Variants in FAM151A observed in about 807,000 individuals in gnomAD.
FAM151A encodes protein FAM151A.
Under a neutral mutation model 40.4 loss-of-function variants are expected in FAM151A, and 41 were observed. The observed-to-expected ratio is 1.01, with a 90% CI of 0.79 to 1.32. FAM151A has a LOEUF of 1.32. Among genes scored for constraint, FAM151A ranks in the 40% most tolerant of loss-of-function variants. The probability of loss-of-function intolerance (pLI) is 0.00; values close to 1 mark genes in which losing one functional copy is unlikely to be tolerated. For synonymous variants in FAM151A, 337 were observed against 312.5 expected, an observed-to-expected ratio of 1.08 and a Z score of -0.83; for missense variants, 740 against 740.4, an observed-to-expected ratio of 1.00 and a Z score of 0.01.
chr1:54,620,927 A>G (rs1644223966), intron 1 of FAM151A, among the ~76,000 whole-genome samples: 1 of 138,754 alleles, frequency 7.2e-6, no homozygotes, highest in South Asian at 2.5e-4. Flanking sequence ...TGGGAAGCCG[A>G]GGTGGGTGGA....
chr1:54,609,803 T>C lies in FAM151A; in HGVS notation c.1223A>G (p.His408Arg), dbSNP rs1644093879. The change falls in exon 8 of 8, where the codon CAC (histidine) becomes CGC (arginine). Residue 408 changes from histidine to arginine, a missense_variant. Physicochemically the swap from His to Arg is conservative, Grantham distance 29. Transcript: ENST00000302250. Reference sequence around the variant, plus strand: ...CGCTATTTGCAAATGGATGCCCCAGTGTCCGGGATGTGTGGCCAGCTGCTG... The same window carrying C: ...CGCTATTTGCAAATGGATGCCCCAGCGTCCGGGATGTGTGGCCAGCTGCTG... ...CLQQLATHPG[H>R]WGIHLQIAEP... 2 of 1,614,052 alleles carry C rather than the reference T, an allele frequency of 1.2e-6. No individual in the cohort carries two copies.
intron 1 of FAM151A, among the ~76,000 whole-genome samples, chr1:54,622,737 T>C (rs1644241908): frequency 1.3e-5 from 2 of 151,426 alleles, no homozygotes; most frequent in Admixed American, 6.6e-5. Context: ...GAAAACTCCG[T>C]CTCAAAAAAA....
At chr1:54,620,689 A>G (rs1220927306) in intron 1 of FAM151A, among the ~76,000 whole-genome samples, 1 of 150,078 alleles carries the variant, frequency 6.7e-6, no homozygotes, top group Admixed American at 6.6e-5. Context: ...TACTACACAT[A>G]CAAAAATTAG....
chr1:54,614,337 G>A (rs1265161391), intron 4 of FAM151A, among the ~76,000 whole-genome samples: 1 of 152,158 alleles, frequency 6.6e-6, no homozygotes, highest in East Asian at 1.9e-4. Flanking sequence ...GGGGCACTTG[G>A]CCCTGTCTGC....
chr1:54,614,813 C>G lies in FAM151A; in HGVS notation c.462G>C (p.Leu154=). The G allele has an allele frequency of 6.2e-7, 1 of 1,614,094 alleles. No homozygotes were observed. The highest frequency in any genetic ancestry group is 8.5e-7 in the Non-Finnish European group (1 of 1,179,992). Residue 154 remains leucine, a synonymous_variant, in exon 4 of 8, where the codon CTG becomes CTC. Coordinates refer to ENST00000302250, the MANE Select transcript of FAM151A (RefSeq NM_176782.3). ...CCTCTGTCAGCTGCCGCAGGAGGTCCAGGGAGGGGCCCACTGCCTTGATGT... is the reference window on the plus strand; with the variant it reads ...CCTCTGTCAGCTGCCGCAGGAGGTCGAGGGAGGGGCCCACTGCCTTGATGT... ...FKNIKAVGPS[L]DLLRQLTEEG...
At chr1:54,615,094 G>C (rs77314204) in intron 3 of FAM151A, among the ~76,000 whole-genome samples, 3 of 152,110 alleles carry the variant, frequency 2.0e-5, no homozygotes, top group Non-Finnish European at 4.4e-5. Flanking sequence ...CATCTCCTGC[G>C]GGGAGGAAAC....
chr1:54,616,387 G>A (rs567703329), intron 2 of FAM151A, among the ~76,000 whole-genome samples: 2 of 150,056 alleles, frequency 1.3e-5, no homozygotes, highest in East Asian at 1.9e-4. Flanking sequence ...TTTTTGAGAC[G>A]GAGTCTTGCT....
intron 7 of FAM151A, 152 bp downstream of exon 7, chr1:54,610,260 T>A: frequency 6.8e-7 from 1 of 1,474,050 alleles, no homozygotes; most frequent in Admixed American, 2.5e-5. Context: ...GTACTCCCTC[T>A]CCCTCCCCGC....
intron 1 of FAM151A, 90 bp downstream of exon 1, chr1:54,623,188 A>AC: frequency 2.1e-5 from 17 of 796,396 alleles, no homozygotes; most frequent in Non-Finnish European, 2.5e-5. Context: ...AAAAAAAAAA[A>AC]GGGACTGGTC....
At position 54,619,929 on chromosome 1, in the gene FAM151A, T is replaced by C; in HGVS notation, c.197A>G (p.Asp66Gly). ...LLSLGQISRR[D>G]ALEVTWYHAA... The stretch of plus-strand genomic sequence containing the variant: ...GTGGTACCAGGTGACCTCCAAGGCA[T>C]CTCGCCGGCTGATCTGGCCCAGGCT... Residue 66 changes from aspartate to glycine, a missense_variant, in exon 2 of 8, where the codon GAT becomes GGT. Physicochemically the swap from Asp to Gly is moderately conservative, Grantham distance 94. Transcript: ENST00000302250. 6.2e-7 allele frequency: 1 copy of C among 1,614,166 alleles called. No individual in the cohort carries two copies.
intron 2 of FAM151A, among the ~76,000 whole-genome samples, chr1:54,618,246 G>A (rs1387759747): frequency 6.6e-6 from 1 of 152,154 alleles, no homozygotes. Context: ...GCTCAGACCT[G>A]TAATCCTAGC....
At chr1:54,614,951 T>C (rs201332407) in intron 3 of FAM151A, 92 bp from the exon 4 acceptor site, 18 of 1,281,060 alleles carry the variant, frequency 1.4e-5, no homozygotes, top group East Asian at 4.8e-5. Flanking sequence ...TGTGTGTGTG[T>C]GTGCATGTGC....
At chr1:54,612,735 T>C (rs1336905444) in intron 4 of FAM151A, 25 bp from the exon 5 acceptor site, 1 of 1,590,888 alleles carries the variant, frequency 6.3e-7, no homozygotes, top group East Asian at 2.2e-5. Flanking sequence ...GAGATGTTGG[T>C]CTCACGGAGC....
intron 2 of FAM151A, among the ~76,000 whole-genome samples, chr1:54,618,193 T>C (rs1394804745): frequency 1.3e-5 from 2 of 152,104 alleles, no homozygotes; most frequent in Non-Finnish European, 2.9e-5. Context: ...GCTCATCCTT[T>C]AGTGTTGGCT....
At chr1:54,611,854 C>T (rs2101015069) in intron 5 of FAM151A, 109 bp from the exon 6 acceptor site, 2 of 1,306,450 alleles carry the variant, frequency 1.5e-6, no homozygotes, top group East Asian at 2.4e-5. Flanking sequence ...GAGCATCTGT[C>T]CTCCAGTCGC....
chr1:54,618,812 C>G (rs1277098074), intron 2 of FAM151A, among the ~76,000 whole-genome samples: 1 of 152,148 alleles, frequency 6.6e-6, no homozygotes, highest in African/African-American at 2.4e-5. Flanking sequence ...CTAACACTTT[C>G]CAGCTGTGTG....
rs1180697211 is a variant in FAM151A at position 54,609,836 on chromosome 1, G to C, written c.1190C>G (p.Ser397Cys). ...TPSGNILTLESCLQQLATHPG... is the reference protein window; with the variant it reads ...TPSGNILTLECCLQQLATHPG... ...ATGTGTGGCCAGCTGCTGCAGGCAGGACTCCAGCGTCAGGATGTTGCCACT... is the reference window on the plus strand; with the variant it reads ...ATGTGTGGCCAGCTGCTGCAGGCAGCACTCCAGCGTCAGGATGTTGCCACT... Residue 397 changes from serine (S) to cysteine (C), a missense_variant, in exon 8 of 8, where the codon TCC becomes TGC. Ser to Cys is a moderately radical substitution (Grantham distance 112). Transcript: ENST00000302250. 1 of 1,614,080 alleles carries C rather than the reference G, an allele frequency of 6.2e-7. No individual in the cohort carries two copies. The highest frequency in any genetic ancestry group is 8.5e-7 in the Non-Finnish European group (1 of 1,180,056).
Position 54,609,511 on chromosome 1 carries a change from C to T in FAM151A, c.1515G>A (p.Trp505Ter), listed in dbSNP as rs1644085244. Residue 505 changes from tryptophan to a stop codon, truncating the protein, a stop_gained, in exon 8 of 8, where the codon TGG becomes TGA. Coordinates refer to ENST00000302250, the MANE Select transcript of FAM151A (RefSeq NM_176782.3). LOFTEE classifies it low-confidence loss of function (END_TRUNC). ...TDMLELCQGL[W>*]QPVSFQMQAM... ...CCTGCATCTGGAAGGACACAGGTTG[C>T]CAGAGCCCCTGGCACAACTCTAGCA... The T allele has an allele frequency of 1.2e-6, 2 of 1,612,930 alleles. No individual in the cohort carries two copies. The highest frequency in any genetic ancestry group is 1.7e-5 in the Admixed American group (1 of 60,004).
At chr1:54,617,209 T>C (rs1295055670) in intron 2 of FAM151A, among the ~76,000 whole-genome samples, 2 of 152,116 alleles carry the variant, frequency 1.3e-5, no homozygotes, top group Non-Finnish European at 2.9e-5. Context: ...CAGACCTTTC[T>C]AATGGGAAGC....
Sources: gnomAD v4.1 joint callset for allele counts (sites outside exome capture counted in the v4.1 genomes callset) on GRCh38, gnomAD v4.1.1 for gene constraint, MANE v1.5 for transcripts, NCBI Gene and HGNC (gene_info 2026-07-23, HGNC 2026-07-21) for gene names.